DIS3L2: variants seen among roughly 807,000 people sequenced by gnomAD.
DIS3L2 encodes the protein DIS3 like 3'-5' exoribonuclease 2.
A neutral mutation model predicts 97.5 loss-of-function variants in DIS3L2; 34 were observed. That is an observed-to-expected ratio of 0.35 (90% confidence interval 0.27 to 0.46). The LOEUF (loss-of-function observed/expected upper bound fraction) is 0.46, where lower values mean the gene tolerates loss of function less well. Ranked by LOEUF, DIS3L2 falls within the 20% of genes least tolerant of loss-of-function variation. The probability of loss-of-function intolerance (pLI) is 1.00; values close to 1 mark genes in which losing one functional copy is unlikely to be tolerated. For missense variants in DIS3L2, 1,038 were observed against 1,146.0 expected (o/e 0.91, Z 1.36); for synonymous variants, 435 against 445.2 (o/e 0.98, Z 0.29).
chr2:232,053,564 C>A (rs972240029), intron 5 of DIS3L2, among the ~76,000 whole-genome samples: 1 of 152,196 alleles, frequency 6.6e-6, no homozygotes, highest in African/African-American at 2.4e-5. Context: ...GTCCGGGCTG[C>A]CTGTACTTCT....
chr2:232,220,610 G>A (rs909619722), intron 10 of DIS3L2, among the ~76,000 whole-genome samples: 7 of 152,138 alleles, frequency 4.6e-5, no homozygotes, highest in East Asian at 1.9e-4. Flanking sequence ...GGAAGGCTGA[G>A]GCAAGAGAAT....
At chr2:232,270,710 G>A (rs1461974670) in intron 13 of DIS3L2, among the ~76,000 whole-genome samples, 1 of 152,200 alleles carries the variant, frequency 6.6e-6, no homozygotes, top group Non-Finnish European at 1.5e-5. Context: ...GATTAATACT[G>A]AAACATATTG....
chr2:232,162,285 T>C (rs1690674734), intron 8 of DIS3L2, among the ~76,000 whole-genome samples: 1 of 152,218 alleles, frequency 6.6e-6, no homozygotes, highest in African/African-American at 2.4e-5. Flanking sequence ...CAGGTCAGTC[T>C]GCAGGCTGCC....
At chr2:232,161,045 G>A (rs572902772) in intron 8 of DIS3L2, among the ~76,000 whole-genome samples, 10 of 152,220 alleles carry the variant, frequency 6.6e-5, no homozygotes, top group African/African-American at 2.2e-4. Context: ...AGCCTCCAGA[G>A]TAGCTGGGAC....
At chr2:232,148,751 T>TTC (rs1690301111) in intron 8 of DIS3L2, among the ~76,000 whole-genome samples, 1 of 113,740 alleles carries the variant, frequency 8.8e-6, no homozygotes, top group Non-Finnish European at 1.7e-5. Flanking sequence ...TTTCTTTCTT[T>TTC]TTTTTTTTTT....
chr2:232,112,651 A>G (rs1697574013), intron 6 of DIS3L2, among the ~76,000 whole-genome samples: 1 of 152,154 alleles, frequency 6.6e-6, no homozygotes, highest in South Asian at 2.1e-4. Flanking sequence ...TCATGGCTTG[A>G]GAGCTCTGGA....
chr2:232,277,227 G>A (rs1008442860), intron 13 of DIS3L2, among the ~76,000 whole-genome samples: 1 of 152,148 alleles, frequency 6.6e-6, no homozygotes, highest in African/African-American at 2.4e-5. Flanking sequence ...TAAGATTTGG[G>A]AGCAAGGAAG....
chr2:232,072,011 T>C (rs1175647860), intron 5 of DIS3L2, among the ~76,000 whole-genome samples: 1 of 152,144 alleles, frequency 6.6e-6, no homozygotes, highest in Non-Finnish European at 1.5e-5. Context: ...GTGACTGGTA[T>C]GTTAAGCAGT....
intron 1 of DIS3L2, among the ~76,000 whole-genome samples, chr2:231,972,660 CA>C (rs1374071059): frequency 6.6e-6 from 1 of 152,230 alleles, no homozygotes; most frequent in Non-Finnish European, 1.5e-5. Context: ...TCTCCTGCCT[CA>C]GCCTCCCGAG....
chr2:232,069,543 TC>T (rs1224323871), intron 5 of DIS3L2, among the ~76,000 whole-genome samples: 1 of 152,226 alleles, frequency 6.6e-6, no homozygotes, highest in African/African-American at 2.4e-5. Flanking sequence ...ACAGGGATAA[TC>T]AGTGTAGTTC....
At chr2:232,264,919 G>A (rs1044885075) in intron 13 of DIS3L2, among the ~76,000 whole-genome samples, 5 of 152,200 alleles carry the variant, frequency 3.3e-5, no homozygotes, top group African/African-American at 7.2e-5. Context: ...GCCTGGGCTC[G>A]GGCAGCCTGA....
intron 16 of DIS3L2, among the ~76,000 whole-genome samples, chr2:232,332,833 G>A (rs1365806461): frequency 2.0e-5 from 3 of 152,158 alleles, no homozygotes; most frequent in Admixed American, 6.5e-5. Flanking sequence ...TCAGCTGGGC[G>A]GGATCAGTGC....
intron 8 of DIS3L2, among the ~76,000 whole-genome samples, chr2:232,139,295 A>T (rs971698713): frequency 2.6e-5 from 4 of 152,026 alleles, no homozygotes; most frequent in African/African-American, 9.7e-5. Context: ...CTTTTTGCAC[A>T]TGAGCTGTGT....
chr2:232,251,159 T>C (rs1693408200), intron 12 of DIS3L2, among the ~76,000 whole-genome samples: 1 of 152,136 alleles, frequency 6.6e-6, no homozygotes, highest in Admixed American at 6.5e-5. Flanking sequence ...GTAATTCAAC[T>C]GGAGTACAAA....
chr2:232,040,173 AAGAG>A (rs748247958), intron 5 of DIS3L2, among the ~76,000 whole-genome samples: 9 of 152,304 alleles, frequency 5.9e-5, no homozygotes, highest in African/African-American at 2.2e-4. Flanking sequence ...GGAATAGAGA[AAGAG>A]AGAGGATTTG....
chr2:232,324,560 A>G (rs1037506992), intron 14 of DIS3L2, among the ~76,000 whole-genome samples: 2 of 151,964 alleles, frequency 1.3e-5, no homozygotes, highest in African/African-American at 4.8e-5. Context: ...CTGTGTGAGG[A>G]AGGGGTGAGG....
intron 6 of DIS3L2, among the ~76,000 whole-genome samples, chr2:232,126,585 C>T (rs987074108): frequency 1.3e-5 from 2 of 152,222 alleles, no homozygotes; most frequent in African/African-American, 4.8e-5. Context: ...TAAGGTTACT[C>T]CTGGAAGTCA....
At chr2:232,036,141 A>C (rs6756477) in intron 5 of DIS3L2, among the ~76,000 whole-genome samples, 5 of 152,056 alleles carry the variant, frequency 3.3e-5, no homozygotes, top group African/African-American at 1.2e-4. Context: ...TCTCCCTGTC[A>C]CTTTCAGGTA....
chr2:232,106,596 A>T (rs1032691982), intron 6 of DIS3L2, among the ~76,000 whole-genome samples: 1 of 152,232 alleles, frequency 6.6e-6, no homozygotes, highest in Non-Finnish European at 1.5e-5. Flanking sequence ...GAGCACCCAG[A>T]TTTATAAAGC....
Sources: gnomAD v4.1 joint callset for allele counts (sites outside exome capture counted in the v4.1 genomes callset) on GRCh38, gnomAD v4.1.1 for gene constraint, MANE v1.5 for transcripts, NCBI Gene and HGNC (gene_info 2026-07-23, HGNC 2026-07-21) for gene names.